Variants in CEP131 observed in about 807,000 individuals in gnomAD.
The protein encoded by CEP131 is centrosomal protein 131, also known as centrosomal protein of 131 kDa.
Under a neutral mutation model 136.8 loss-of-function variants are expected in CEP131, and 99 were observed. That is an observed-to-expected ratio of 0.72 (90% CI 0.62 to 0.86). The LOEUF is 0.86. CEP131 is among the 40% of genes least tolerant of loss of function. The probability of loss-of-function intolerance (pLI) is 0.00; values close to 1 mark genes in which losing one functional copy is unlikely to be tolerated. For missense variants in CEP131, 1,459 were observed against 1,463.0 expected (o/e 1.00, Z 0.04); for synonymous variants, 646 against 612.7 (o/e 1.05, Z -0.80).
intron 7 of CEP131, 143 bp from the exon 8 acceptor site, chr17:81,200,589 C>G: frequency 1.6e-6 from 1 of 633,760 alleles, no homozygotes; most frequent in Non-Finnish European, 2.8e-6. Context: ...AGGACCAGCC[C>G]ACCTGGACCA....
rs746488486 is a variant in CEP131, at chr17:81,219,855, C to T, written c.177+25G>A. On this transcript the variant is annotated intron_variant, in intron 2 of 25. Coordinates refer to ENST00000450824, the MANE Select transcript of CEP131 (RefSeq NM_014984.4). The surrounding 1 kb of genome is among the most constrained non-coding windows in gnomAD (Gnocchi z 4.0). Reference sequence around the variant, plus strand: ...AACAGCCCTCCAGGAGGCAGGGGCCCGGACTCCTAGGCCACAGTACTCACC... The same window carrying T: ...AACAGCCCTCCAGGAGGCAGGGGCCTGGACTCCTAGGCCACAGTACTCACC... 19 of 1,535,042 alleles carry T rather than the reference C, an allele frequency of 1.2e-5. No individual in the cohort carries two copies. The Admixed American group carries it at 2.9e-4, about 24-fold the overall frequency.
chr17:81,190,106 G>T, intron 24 of CEP131, 131 bp from the exon 25 acceptor site: 1 of 813,170 alleles, frequency 1.2e-6, no homozygotes, highest in Non-Finnish European at 1.9e-6. Context: ...CGACTCCTGT[G>T]GCTGGCCCAG....
chr17:81,194,042 C>T lies in CEP131; in HGVS notation c.2205G>A (p.Leu735=). Residue 735 remains leucine (L), a synonymous_variant, in exon 18 of 26, where the codon CTG becomes CTA. Coordinates refer to ENST00000450824, the MANE Select transcript of CEP131 (RefSeq NM_014984.4). The stretch of plus-strand genomic sequence containing the variant: ...GCTGCGAGGCCCGCTCATCCGACTG[C>T]AGCAGCTCCGCCTCGTGCAGGCTCT... The part of the protein sequence containing the change: ...RLKSLHEAEL[L]QSDERASQRC... The T allele has an allele frequency of 1.3e-6, 2 of 1,583,506 alleles. No homozygotes were observed. The highest frequency in any genetic ancestry group is 2.3e-5 in the South Asian group (2 of 87,174).
At chr17:81,192,869 CG>C (rs2061674386) in intron 18 of CEP131, 26 bp from the exon 19 acceptor site, 3 of 1,588,614 alleles carry the variant, frequency 1.9e-6, no homozygotes, top group African/African-American at 2.7e-5. Context: ...GACTGGCTCT[CG>C]GGGGCCGGGA....
rs765951222 is a variant in CEP131 at position 81,220,491 on chromosome 17, TTTTTA to T, written c.-17-423_-17-419del. Among the ~76,000 whole-genome samples, 6 of 152,108 alleles carry T rather than the reference TTTTTA, an allele frequency of 3.9e-5. No homozygotes were observed. In the East Asian group the frequency reaches 5.8e-4, roughly 15 times the overall value. Reference sequence around the variant, plus strand: ...TCTGTAAAAGGGACATTTGATTTATTTTTTATTTTATTATGTTTTTGAAACAGAGT... The same window carrying T: ...TCTGTAAAAGGGACATTTGATTTATTTTTTATTATGTTTTTGAAACAGAGT... On this transcript the variant is annotated intron_variant, in intron 1 of 25. Transcript: ENST00000450824.
In CEP131 at chr17:81,194,009, CAGGCAG is replaced by C. The variant is rs1252851716; in HGVS notation, c.2232_2237del (p.Cys745_Leu746del). The C allele has an allele frequency of 4.5e-6, 7 of 1,561,182 alleles. No individual in the cohort carries two copies. Among genetic ancestry groups the C allele is most frequent in the Non-Finnish European group, 6.1e-6 (7 of 1,153,916 alleles). On this transcript the variant is annotated inframe_deletion, in exon 18 of 26. Coordinates refer to ENST00000450824, the MANE Select transcript of CEP131 (RefSeq NM_014984.4). ...GCTCCCGCAGCTCCTCGGCCTGGCG[CAGGCAG>C]CGCTGCGAGGCCCGCTCATCCGACT... is the stretch of plus-strand genomic sequence containing the variant.
intron 9 of CEP131, 46 bp downstream of exon 9, chr17:81,199,673 A>C: frequency 6.2e-7 from 1 of 1,601,436 alleles, no homozygotes; most frequent in Middle Eastern, 1.8e-4. Context: ...CCGCACGGTC[A>C]GGCCTGGGCC....
At chr17:81,196,045 A>G in intron 15 of CEP131, 94 bp from the exon 16 acceptor site, 2 of 1,023,948 alleles carry the variant, frequency 2.0e-6, no homozygotes, top group Non-Finnish European at 2.9e-6. Flanking sequence ...GAGGGAGGCT[A>G]ACAGCAGCCC....
At chr17:81,200,118 G>A (rs1430728337) in intron 8 of CEP131, 3 of 608,392 alleles carry the variant, frequency 4.9e-6, no homozygotes, top group Non-Finnish European at 5.8e-6. Context: ...GACCCAGCAG[G>A]CGTTTCCTGA....
rs375715051 is a variant in CEP131 at position 81,203,594 on chromosome 17, C to A, written c.529G>T (p.Ala177Ser). Residue 177 changes from alanine to serine, a missense_variant, in exon 6 of 26, where the codon GCA becomes TCA. Coordinates refer to ENST00000450824, the MANE Select transcript of CEP131 (RefSeq NM_014984.4). This position sits in a 1 kb window ranked among gnomAD's most constrained non-coding sequence, Gnocchi z 4.6. Reference protein sequence around the residue: ...FTANNRSNKGAVGNCVTTMVH... With the variant: ...FTANNRSNKGSVGNCVTTMVH... Reference sequence around the variant, plus strand: ...ATGGTGGTGACGCAGTTGCCCACTGCTCCCTTGTTGCTCCTGCCAGGCCGG... The same window carrying A: ...ATGGTGGTGACGCAGTTGCCCACTGATCCCTTGTTGCTCCTGCCAGGCCGG... 6.3e-7 allele frequency: 1 copy of A among 1,597,688 alleles called. No homozygotes were observed. Among genetic ancestry groups the A allele is most frequent in the Non-Finnish European group, 8.5e-7 (1 of 1,172,882 alleles).
intron 25 of CEP131, 34 bp downstream of exon 25, chr17:81,189,881 C>A: frequency 6.2e-7 from 1 of 1,612,622 alleles, no homozygotes. Context: ...GCTCCCAGCC[C>A]CGAGGTCCAG....
chr17:81,199,305 A>T, intron 10 of CEP131, 76 bp downstream of exon 10: 2 of 1,440,102 alleles, frequency 1.4e-6, no homozygotes, highest in Non-Finnish European at 1.8e-6. Context: ...GGCCGAGAGG[A>T]GGTCCACAAG....
At chr17:81,212,049 TC>T (rs2062143282) in intron 2 of CEP131, among the ~76,000 whole-genome samples, 1 of 151,754 alleles carries the variant, frequency 6.6e-6, no homozygotes, top group Non-Finnish European at 1.5e-5. Context: ...GTGCGGTGGC[TC>T]ATGCCTGTAA....
rs886987698 is a variant in CEP131 at position 81,195,409 on chromosome 17, G to A, written c.2016+426C>T. 2.0e-5 allele frequency among the ~76,000 whole-genome samples: 3 copies of A among 152,252 alleles called. No individual in the cohort carries two copies. The East Asian group carries it at 5.8e-4, about 29-fold the overall frequency. ...CCATCACTGCCCAAGCTGGTGGGAA[G>A]CATAGCCAGGGAGGCTGAGGCCCCC... On this transcript the variant is annotated intron_variant, in intron 16 of 25. Transcript: ENST00000450824.
Position 81,197,857 on chromosome 17 carries a change from T to G in CEP131, c.1502A>C (p.Asn501Thr). 6.2e-7 allele frequency: 1 copy of G among 1,613,060 alleles called. No individual in the cohort carries two copies. Among genetic ancestry groups the G allele is most frequent in the Non-Finnish European group, 8.5e-7 (1 of 1,179,876 alleles). Residue 501 changes from asparagine to threonine, a missense_variant, in exon 13 of 26, where the codon AAC becomes ACC. This residue lies in a region of CEP131 where 1,026 missense variants were observed against 964.2 expected (regional missense o/e 1.06). Coordinates refer to ENST00000450824, the MANE Select transcript of CEP131 (RefSeq NM_014984.4). ...EDDASSLTAD[N>T]LEKFGKLSAF... ...ACTGAGTTTTCCAAATTTCTCCAAGTTGTCAGCTGTCAGAGAGCTGGCGTC... is the reference window on the plus strand; with the variant it reads ...ACTGAGTTTTCCAAATTTCTCCAAGGTGTCAGCTGTCAGAGAGCTGGCGTC...
Position 81,202,297 on chromosome 17 carries a change from G to A in CEP131, c.731C>T (p.Thr244Ile), listed in dbSNP as rs748982805. 1 of 1,611,672 alleles carries A rather than the reference G, an allele frequency of 6.2e-7. No homozygotes were observed. Among genetic ancestry groups the A allele is most frequent in the Non-Finnish European group, 8.5e-7 (1 of 1,178,798 alleles). Residue 244 changes from threonine to isoleucine, a missense_variant, in exon 7 of 26, where the codon ACT (threonine) becomes ATT (isoleucine). Thr to Ile is a moderately conservative substitution (Grantham distance 89). Around this residue, in one of 3 missense-constraint regions of CEP131, gnomAD observed 246 missense variants for 318.9 expected, o/e 0.77. Coordinates refer to ENST00000450824, the MANE Select transcript of CEP131 (RefSeq NM_014984.4). ...SSATHSARNN[T>I]GGSTGLPRRK... ...CCTGGGCAAGCCCGTGCTGCCCCCA[G>A]TATTGTTCCGGGCTGAGTGGGTGGC... is the stretch of plus-strand genomic sequence containing the variant.
chr17:81,221,106 C>G (rs1281286521), intron 1 of CEP131, among the ~76,000 whole-genome samples: 1 of 117,966 alleles, frequency 8.5e-6, no homozygotes, highest in African/African-American at 3.1e-5. Context: ...GCCTGGGCAA[C>G]ATAGCGAGAC....
chr17:81,200,055 G>A, intron 8 of CEP131: 1 of 612,728 alleles, frequency 1.6e-6, no homozygotes, highest in Non-Finnish European at 2.9e-6. Flanking sequence ...TGGCGTGGGG[G>A]AGACAGCTCT....
At chr17:81,221,124 C>CAA (rs760838378) in intron 1 of CEP131, among the ~76,000 whole-genome samples, 764 of 52,978 alleles carry the variant, frequency 0.014, 22 homozygotes, top group East Asian at 0.02. Context: ...GACTCCATCT[C>CAA]AAAAAAAAAA....
Sources: gnomAD v4.1 joint callset for allele counts (sites outside exome capture counted in the v4.1 genomes callset) on GRCh38, gnomAD v4.1.1 for gene constraint, gnomAD v4.1.1 regional missense constraint, Gnocchi (gnomAD v3.1) non-coding constraint, MANE v1.5 for transcripts, NCBI Gene and HGNC (gene_info 2026-07-23, HGNC 2026-07-21) for gene names.